ZDHHC21: variants seen among roughly 807,000 people sequenced by gnomAD.
ZDHHC21 encodes palmitoyltransferase ZDHHC21.
In ZDHHC21, 15 loss-of-function variants were observed where a neutral mutation model predicts 34.6. That is an observed-to-expected ratio of 0.43 (90% CI 0.29 to 0.67). The LOEUF (loss-of-function observed/expected upper bound fraction) is 0.67. Ranked by LOEUF, ZDHHC21 falls within the 30% of genes least tolerant of loss-of-function variation. ZDHHC21 has a pLI of 0.14. For synonymous variants in ZDHHC21, 142 were observed against 101.8 expected (o/e 1.40, Z -2.38); for missense variants, 344 against 327.7 (o/e 1.05, Z -0.38).
At chr9:14,589,082 G>C in the ZDHHC21 span, 1 of 152,100 alleles carries the variant, frequency 6.6e-6, no homozygotes, top group Non-Finnish European at 1.5e-5. Flanking sequence ...CTGTGATGCT[G>C]TATGACATCT....
At chr9:14,590,355 T>C in the ZDHHC21 span, among the ~76,000 whole-genome samples, 2 of 152,198 alleles carry the variant, frequency 1.3e-5, no homozygotes, top group African/African-American at 4.8e-5. Flanking sequence ...GGACAAAATA[T>C]TTGAAGTTAT....
chr9:14,681,274 G>C (rs1341858405), intron 2 of ZDHHC21, among the ~76,000 whole-genome samples: 1 of 152,020 alleles, frequency 6.6e-6, no homozygotes, highest in Non-Finnish European at 1.5e-5. Context: ...GCCCAGACTG[G>C]AGTGCAGTGG....
chr9:14,627,389 T>A (rs1484451720), intron 8 of ZDHHC21, among the ~76,000 whole-genome samples: 1 of 152,202 alleles, frequency 6.6e-6, no homozygotes, highest in Non-Finnish European at 1.5e-5. Flanking sequence ...GGAAAACATT[T>A]TCTTCTTAAT....
rs1173165471 is a variant in ZDHHC21, at chr9:14,617,894, G to A, written c.*1072C>T. 1.3e-5 allele frequency: 2 copies of A among 151,930 alleles called. No homozygotes were observed. Among genetic ancestry groups the A allele is most frequent in the African/African-American group, 2.4e-5 (1 of 41,418 alleles). 9.4% of individuals were successfully genotyped at this position (151,930 alleles called of 1,614,324 possible). A position where few individuals can be genotyped will look rare whatever the true frequency, so the allele number is the denominator to read the frequency against. ...TAGGGATTATAGGTACACAAAGTTAGTGACTTTTTTTAGTAGTAGCTTCCT... is the reference window on the plus strand; with the variant it reads ...TAGGGATTATAGGTACACAAAGTTAATGACTTTTTTTAGTAGTAGCTTCCT... On this transcript the variant is annotated 3_prime_UTR_variant, in exon 10 of 10. Coordinates refer to ENST00000380916, the MANE Select transcript of ZDHHC21 (RefSeq NM_178566.6).
At position 14,629,129 on chromosome 9, in the gene ZDHHC21, CA is replaced by C. The variant is rs545792660; in HGVS notation, c.622-9448del. Among the ~76,000 whole-genome samples the C allele has an allele frequency of 1.9e-3, 285 of 152,266 alleles. 4 individuals carry two copies. Among genetic ancestry groups the C allele is most frequent in the African/African-American group, 6.5e-3 (270 of 41,544 alleles). Reference sequence around the variant, plus strand: ...CTCTCTCTTGCTTTCTCTTTCTTAACAATTCTTTTTTGATTGTTTTACAGAG... The same window carrying C: ...CTCTCTCTTGCTTTCTCTTTCTTAACATTCTTTTTTGATTGTTTTACAGAG... On this transcript the variant is annotated intron_variant, in intron 8 of 9. Coordinates refer to ENST00000380916, the MANE Select transcript of ZDHHC21 (RefSeq NM_178566.6).
the ZDHHC21 span, among the ~76,000 whole-genome samples, chr9:14,603,655 CTAGA>C: frequency 1.1e-4 from 17 of 152,182 alleles, no homozygotes; most frequent in South Asian, 2.1e-4. Context: ...TCTTGATTTG[CTAGA>C]TAAATAAAAT....
At chr9:14,639,585 T>G (rs970325124) in intron 8 of ZDHHC21, among the ~76,000 whole-genome samples, 1 of 152,072 alleles carries the variant, frequency 6.6e-6, no homozygotes, top group African/African-American at 2.4e-5. Context: ...TTATATATTA[T>G]ATGCATGTAA....
intron 2 of ZDHHC21, 135 bp downstream of exon 2, chr9:14,690,202 C>G (rs1356205083): frequency 3.0e-6 from 1 of 332,550 alleles, no homozygotes; most frequent in Non-Finnish European, 5.8e-6. Context: ...TACTTACCTT[C>G]TAGTACCCAC....
intron 5 of ZDHHC21, among the ~76,000 whole-genome samples, chr9:14,670,646 G>A (rs1835277916): frequency 6.6e-6 from 1 of 152,016 alleles, no homozygotes; most frequent in Non-Finnish European, 1.5e-5. Flanking sequence ...TTGATTTAAA[G>A]AAAGAACTTG....
chr9:14,632,802 T>C (rs1682954597), intron 8 of ZDHHC21, among the ~76,000 whole-genome samples: 2 of 152,004 alleles, frequency 1.3e-5, no homozygotes, highest in South Asian at 4.1e-4. Context: ...TCTCCAAAGA[T>C]ATACAAATGG....
chr9:14,604,549 G>A, the ZDHHC21 span, among the ~76,000 whole-genome samples: 2 of 152,104 alleles, frequency 1.3e-5, no homozygotes, highest in African/African-American at 2.4e-5. Flanking sequence ...TGAGGACTTA[G>A]ATGTATCTGT....
Position 14,639,971 on chromosome 9 carries a change from T to A in ZDHHC21, c.546A>T (p.Leu182=). Residue 182 remains leucine, a synonymous_variant, in exon 8 of 10, where the codon CTA becomes CTT. Transcript: ENST00000380916. The part of the protein sequence containing the change: ...VFRHELAIMR[L]AAFMGITMLV... Reference sequence around the variant, plus strand: ...ACATAGTAATGCCCATAAAGGCTGCTAGTCTCATTATGGCCAATTCATGTC... The same window carrying A: ...ACATAGTAATGCCCATAAAGGCTGCAAGTCTCATTATGGCCAATTCATGTC... 6.2e-7 allele frequency: 1 copy of A among 1,609,136 alleles called. No homozygotes were observed. The highest frequency in any genetic ancestry group is 8.5e-7 in the Non-Finnish European group (1 of 1,177,208).
chr9:14,688,855 C>CT (rs5896643), intron 2 of ZDHHC21, among the ~76,000 whole-genome samples: 74,813 of 151,768 alleles, frequency 0.49, 18,576 homozygotes, highest in African/African-American at 0.52. Context: ...GAGCGAGACT[C>CT]TGTCTCAAAA....
intron 3 of ZDHHC21, among the ~76,000 whole-genome samples, chr9:14,677,024 C>T (rs965470084): frequency 2.6e-5 from 4 of 151,932 alleles, no homozygotes; most frequent in South Asian, 2.1e-4. Context: ...GCCAGCAAAA[C>T]GACTGGCAAA....
At chr9:14,626,516 ATACT>A (rs752547210) in intron 8 of ZDHHC21, among the ~76,000 whole-genome samples, 219 of 152,078 alleles carry the variant, frequency 1.4e-3, no homozygotes, top group African/African-American at 2.8e-3. Flanking sequence ...TTTATCAAAA[ATACT>A]TACAAGCAGT....
At chr9:14,645,067 G>A (rs1830060531) in intron 7 of ZDHHC21, among the ~76,000 whole-genome samples, 1 of 151,996 alleles carries the variant, frequency 6.6e-6, no homozygotes, top group African/African-American at 2.4e-5. Context: ...ATGGTTTGTG[G>A]CTCTACACAA....
chr9:14,656,233 G>C (rs10810202), intron 7 of ZDHHC21, among the ~76,000 whole-genome samples: 24,801 of 151,830 alleles, frequency 0.16, 2,331 homozygotes, highest in South Asian at 0.36. Context: ...GAGCTACATA[G>C]ATTATAAAAT....
the ZDHHC21 span, among the ~76,000 whole-genome samples, chr9:14,604,619 GTAAT>G: frequency 6.6e-6 from 1 of 152,108 alleles, no homozygotes; most frequent in East Asian, 1.9e-4. Flanking sequence ...ACATTAGCAT[GTAAT>G]TAATCTTGGT....
chr9:14,606,719 A>T (rs1161624785), downstream of ZDHHC21, among the ~76,000 whole-genome samples: 2 of 152,190 alleles, frequency 1.3e-5, no homozygotes, highest in Admixed American at 1.3e-4. Context: ...TGACTGGGCT[A>T]AATTTTAGAA....
Sources: gnomAD v4.1 joint callset for allele counts (sites outside exome capture counted in the v4.1 genomes callset) on GRCh38, gnomAD v4.1.1 for gene constraint, MANE v1.5 for transcripts, NCBI Gene and HGNC (gene_info 2026-07-23, HGNC 2026-07-21) for gene names.